The following TMEM178B variants were observed in gnomAD, a reference collection of about 807,000 sequenced individuals.
The protein encoded by TMEM178B is transmembrane protein 178B.
In TMEM178B, 5 loss-of-function variants were observed where a neutral mutation model predicts 31.0. That is an observed-to-expected ratio of 0.16 (90% CI 0.08 to 0.34). The LOEUF is 0.34. TMEM178B is among the 10% of genes least tolerant of loss of function. The pLI is 1.00. For synonymous variants in TMEM178B, 164 were observed against 164.0 expected, an observed-to-expected ratio of 1.00 and a Z score of 0.00; for missense variants, 275 against 400.3, an observed-to-expected ratio of 0.69 and a Z score of 2.67.
At chr7:141,101,908 C>CGT (rs3032868) in intron 1 of TMEM178B, among the ~76,000 whole-genome samples, 10,249 of 142,718 alleles carry the variant, frequency 0.072, 561 homozygotes, top group East Asian at 0.26. Context: ...TGTGTGTTAA[C>CGT]GTGTGTGTGT....
chr7:141,290,075 A>G (rs1442249020), intron 2 of TMEM178B, among the ~76,000 whole-genome samples: 4 of 152,166 alleles, frequency 2.6e-5, no homozygotes, highest in African/African-American at 7.2e-5. Flanking sequence ...GCCTGTCTGC[A>G]TTTGTCTGCT....
chr7:141,455,225 C>G (rs1801942163), intron 3 of TMEM178B, among the ~76,000 whole-genome samples: 1 of 152,200 alleles, frequency 6.6e-6, no homozygotes, highest in African/African-American at 2.4e-5. Context: ...TTCTACCTGA[C>G]ACAAATAATG....
At chr7:141,218,961 C>G (rs1797209652) in intron 2 of TMEM178B, among the ~76,000 whole-genome samples, 1 of 152,206 alleles carries the variant, frequency 6.6e-6, no homozygotes, top group Non-Finnish European at 1.5e-5. Context: ...AGCCTGGGAG[C>G]TGCCTAGACA....
chr7:141,164,424 A>G (rs1796228555), intron 1 of TMEM178B, among the ~76,000 whole-genome samples: 1 of 152,168 alleles, frequency 6.6e-6, no homozygotes, highest in Non-Finnish European at 1.5e-5. Context: ...ATTCTCACCA[A>G]CCAGTGAGAC....
At chr7:141,286,140 T>C (rs1010739821) in intron 2 of TMEM178B, among the ~76,000 whole-genome samples, 12 of 152,170 alleles carry the variant, frequency 7.9e-5, no homozygotes, top group African/African-American at 2.9e-4. Flanking sequence ...GAAATTTGGT[T>C]CCTGTAAATC....
intron 2 of TMEM178B, among the ~76,000 whole-genome samples, chr7:141,423,809 T>TC (rs1801261163): frequency 6.8e-6 from 1 of 147,618 alleles, no homozygotes; most frequent in Non-Finnish European, 1.5e-5. Flanking sequence ...ATTTGTGTTT[T>TC]TTTTTTTTTT....
Position 141,173,071 on chromosome 7 carries a change from G to C in TMEM178B, c.383-39520G>C, listed in dbSNP as rs890681006. 2.6e-5 allele frequency: 4 copies of C among 152,322 alleles called. No homozygotes were observed. In the East Asian group the frequency reaches 7.7e-4, roughly 29 times the overall value. 9.4% of individuals were successfully genotyped at this position (152,322 alleles called of 1,614,324 possible). A position where few individuals can be genotyped will look rare whatever the true frequency, so the allele number is the denominator to read the frequency against. The stretch of plus-strand genomic sequence containing the variant: ...TAGAATTAATGTGGTATTGAGAAAA[G>C]TGAGTAGGTACTTGAAAAATTGGTT... On this transcript the variant is annotated intron_variant, in intron 1 of 3. Transcript: ENST00000565468.
In TMEM178B at chr7:141,476,829, C is replaced by T. The variant is rs1438354944; in HGVS notation, c.*6043C>T. On this transcript the variant is annotated 3_prime_UTR_variant, in exon 4 of 4. Transcript: ENST00000565468. ...TCAAGGGAAGGGAAGCCATTGCTCT[C>T]TCTGTAGATAGAGCCCAGCTGGTAA... 6.5e-6 allele frequency: 1 copy of T among 154,830 alleles called. No homozygotes were observed. Among genetic ancestry groups the T allele is most frequent in the Non-Finnish European group, 1.5e-5 (1 of 68,264 alleles). The allele number at this position is 154,830 out of a possible 1,614,324, so 9.6% of individuals were successfully genotyped here.
At chr7:141,078,206 C>T (rs1794627894) in intron 1 of TMEM178B, among the ~76,000 whole-genome samples, 1 of 152,034 alleles carries the variant, frequency 6.6e-6, no homozygotes, top group South Asian at 2.1e-4. Flanking sequence ...ACTTCCAGAC[C>T]CTTAGGAGGA....
chr7:141,448,414 G>A (rs953954991), intron 3 of TMEM178B, among the ~76,000 whole-genome samples: 12 of 152,196 alleles, frequency 7.9e-5, no homozygotes, highest in Non-Finnish European at 1.6e-4. Flanking sequence ...GGTGGCAACA[G>A]CAAGGTGAAG....
chr7:141,352,669 C>T (rs756804500), intron 2 of TMEM178B: 5 of 152,656 alleles, frequency 3.3e-5, no homozygotes, highest in Non-Finnish European at 7.3e-5. Context: ...CATGAGCCAC[C>T]GCGCCCGGCT....
At chr7:141,376,316 G>A (rs1800213256) in intron 2 of TMEM178B, among the ~76,000 whole-genome samples, 1 of 152,152 alleles carries the variant, frequency 6.6e-6, no homozygotes, top group Non-Finnish European at 1.5e-5. Context: ...GAAAATCACT[G>A]GGTATGTACC....
chr7:141,322,287 G>T (rs1229096272), intron 2 of TMEM178B, among the ~76,000 whole-genome samples: 1 of 151,948 alleles, frequency 6.6e-6, no homozygotes, highest in Non-Finnish European at 1.5e-5. Flanking sequence ...AGCACTTTGG[G>T]AGGCTGAGGT....
At chr7:141,357,242 T>A (rs1004278441) in intron 2 of TMEM178B, among the ~76,000 whole-genome samples, 1 of 152,214 alleles carries the variant, frequency 6.6e-6, no homozygotes, top group Non-Finnish European at 1.5e-5. Flanking sequence ...AAATCCCTTT[T>A]GAATCTTTTC....
rs75851544 is a variant in TMEM178B, at chr7:141,131,000, C to T, written c.382+56308C>T. 1.6e-3 allele frequency among the ~76,000 whole-genome samples: 245 copies of T among 152,314 alleles called. 2 individuals are homozygous for T. In the East Asian group the frequency reaches 0.038, roughly 23 times the overall value. The stretch of plus-strand genomic sequence containing the variant: ...GCTGCCATTTCATTCCCCATTAGAA[C>T]GGGAACTCATCAGTTTTAGGGTTGA... On this transcript the variant is annotated intron_variant, in intron 1 of 3. Coordinates refer to ENST00000565468, the MANE Select transcript of TMEM178B (RefSeq NM_001195278.2).
At chr7:141,423,812 T>TG (rs796203138) in intron 2 of TMEM178B, among the ~76,000 whole-genome samples, 121 of 148,598 alleles carry the variant, frequency 8.1e-4, no homozygotes, top group Middle Eastern at 3.4e-3. Flanking sequence ...TGTGTTTTTT[T>TG]TTTTTTTTTT....
At chr7:141,267,859 A>T (rs1798118333) in intron 2 of TMEM178B, among the ~76,000 whole-genome samples, 1 of 152,260 alleles carries the variant, frequency 6.6e-6, no homozygotes, top group African/African-American at 2.4e-5. Context: ...GGCCAGGCTG[A>T]TAACCATTTC....
chr7:141,337,399 C>G (rs1474984044), intron 2 of TMEM178B, among the ~76,000 whole-genome samples: 2 of 151,442 alleles, frequency 1.3e-5, no homozygotes, highest in African/African-American at 4.9e-5. Flanking sequence ...CCATTAAAAA[C>G]AGCAGCAAGA....
chr7:141,412,024 G>C (rs527324237), intron 2 of TMEM178B, among the ~76,000 whole-genome samples: 1 of 152,262 alleles, frequency 6.6e-6, no homozygotes, highest in South Asian at 2.1e-4. Flanking sequence ...AGTGTTGTTT[G>C]GGTTTCAGGC....
Sources: gnomAD v4.1 joint callset for allele counts (sites outside exome capture counted in the v4.1 genomes callset) on GRCh38, gnomAD v4.1.1 for gene constraint, MANE v1.5 for transcripts, NCBI Gene and HGNC (gene_info 2026-07-23, HGNC 2026-07-21) for gene names.